PLXNA3: variants seen among roughly 807,000 people sequenced by gnomAD.
PLXNA3 encodes the protein plexin A3.
Under a neutral mutation model 118.8 loss-of-function variants are expected in PLXNA3, and 52 were observed. The observed-to-expected ratio is 0.44, with a 90% CI of 0.35 to 0.55. The LOEUF (loss-of-function observed/expected upper bound fraction) is 0.55, where lower values mean the gene tolerates loss of function less well. Among genes scored for constraint, PLXNA3 ranks in the 20% least tolerant of loss-of-function variants. The pLI, the probability that PLXNA3 is intolerant of heterozygous loss-of-function variation, is 0.01. For missense variants in PLXNA3, 1,660 were observed against 1,730.8 expected, an observed-to-expected ratio of 0.96 and a Z score of 0.73; for synonymous variants, 925 against 762.4, an observed-to-expected ratio of 1.21 and a Z score of -3.51.
chrX:154,460,357 C>T lies in PLXNA3; in HGVS notation c.174C>T (p.Pro58=), dbSNP rs2068923708. Residue 58 remains proline (P), a synonymous_variant, in exon 2 of 33, where the codon CCC becomes CCT. Transcript: ENST00000369682. The stretch of plus-strand genomic sequence containing the variant: ...TGAACCGAGTCTTTAAGCTGGCCCC[C>T]AACCTGACTGAGCTGCGGGCCCATG... ...GAVNRVFKLA[P]NLTELRAHVT... 2 of 1,209,446 alleles carry T rather than the reference C, an allele frequency of 1.7e-6. No individual in the cohort carries two copies. The highest frequency in any genetic ancestry group is 2.2e-5 in the Admixed American group (1 of 45,901).
rs369981088 is a variant in PLXNA3, at chrX:154,463,985, G to T, written c.1582G>T (p.Ala528Ser). Residue 528 changes from alanine to serine, a missense_variant, in exon 7 of 33, where the codon GCC becomes TCC. Ala to Ser is a moderately conservative substitution (Grantham distance 99). Around this residue, in one of 2 missense-constraint regions of PLXNA3, gnomAD observed 791 missense variants for 652.1 expected, o/e 1.21. Coordinates refer to ENST00000369682, the MANE Select transcript of PLXNA3 (RefSeq NM_017514.5). ...CGAAGGGGCCTGTCTGGGCGCCTCT[G>T]CCCCACACGGCTTTGCTGAGGAGCT... ...CREGACLGAS[A>S]PHGFAEELSK... 1 of 1,197,831 alleles carries T rather than the reference G, an allele frequency of 8.3e-7. No homozygotes were observed. Among genetic ancestry groups the T allele is most frequent in the Admixed American group, 2.3e-5 (1 of 44,394 alleles).
Position 154,469,768 on chromosome X carries a change from C to T in PLXNA3, c.4779C>T (p.Arg1593=), listed in dbSNP as rs1418916111. ...TGGCCAACTCCTTCACCTTCACCCG[C>T]TCCCTCAGCCGCTACGGTAGGTGTC... is the stretch of plus-strand genomic sequence containing the variant. The part of the protein sequence containing the change: ...YNMANSFTFT[R]SLSRYESLLR... Residue 1593 remains arginine (R), a synonymous_variant, in exon 28 of 33, where the codon CGC becomes CGT. Coordinates refer to ENST00000369682, the MANE Select transcript of PLXNA3 (RefSeq NM_017514.5). 2 of 1,207,357 alleles carry T rather than the reference C, an allele frequency of 1.7e-6. No individual in the cohort carries two copies. The highest frequency in any genetic ancestry group is 3.5e-5 in the African/African-American group (2 of 57,488).
chrX:154,460,916 C>G, intron 2 of PLXNA3, 139 bp downstream of exon 2: 1 of 623,959 alleles, frequency 1.6e-6, no homozygotes, highest in Non-Finnish European at 2.4e-6. Context: ...GGATGACAGC[C>G]TGAACCCAGG....
rs1160031731 is a variant in PLXNA3, at chrX:154,474,154, A to G, written c.*1469A>G. 9.0e-6 allele frequency: 1 copy of G among 110,824 alleles called. No individual in the cohort carries two copies. Among genetic ancestry groups the G allele is most frequent in the Admixed American group, 9.7e-5 (1 of 10,337 alleles). 9.1% of individuals were successfully genotyped at this position (110,824 alleles called of 1,213,427 possible). On this transcript the variant is annotated 3_prime_UTR_variant, in exon 33 of 33. Transcript: ENST00000369682. ...GGAGAAGGTGACATGCAATTTATTTATTTATTTATTTTGAGACAGAGTGTA... is the reference window on the plus strand; with the variant it reads ...GGAGAAGGTGACATGCAATTTATTTGTTTATTTATTTTGAGACAGAGTGTA...
Position 154,472,978 on chromosome X carries a change from A to T in PLXNA3, c.*293A>T. On this transcript the variant is annotated 3_prime_UTR_variant, in exon 33 of 33. Coordinates refer to ENST00000369682, the MANE Select transcript of PLXNA3 (RefSeq NM_017514.5). Reference sequence around the variant, plus strand: ...CAGTCCCACCCTCCCTGCTATTTATATCCCTCTGCCTATTTATTGAATCGA... The same window carrying T: ...CAGTCCCACCCTCCCTGCTATTTATTTCCCTCTGCCTATTTATTGAATCGA... The T allele has an allele frequency of 3.9e-6, 1 of 255,773 alleles. No individual in the cohort carries two copies. The allele number at this position is 255,773 out of a possible 1,213,427, so 21.1% of individuals were successfully genotyped here. A position where few individuals can be genotyped will look rare whatever the true frequency, so the allele number is the denominator to read the frequency against.
Position 154,468,231 on chromosome X carries a change from C to G in PLXNA3, c.3963+7C>G. 8.5e-7 allele frequency: 1 copy of G among 1,178,855 alleles called. No homozygotes were observed. The highest frequency in any genetic ancestry group is 1.1e-6 in the Non-Finnish European group (1 of 877,148). ...GGTGCTCAAGGAGCTGGATGTGAGC[C>G]TCTGCCTGGCCTGCCCCCCACCATT... On this transcript the variant is annotated splice_region_variant and intron_variant, in intron 22 of 32. Transcript: ENST00000369682.
At position 154,462,296 on chromosome X, in the gene PLXNA3, G is replaced by A. The variant is rs149807623; in HGVS notation, c.1303G>A (p.Gly435Ser). Residue 435 changes from glycine to serine, a missense_variant, in exon 4 of 33, where the codon GGC (glycine) becomes AGC (serine). By Grantham distance (56) the Gly-to-Ser change is moderately conservative. Coordinates refer to ENST00000369682, the MANE Select transcript of PLXNA3 (RefSeq NM_017514.5). ...HSVVFIGTRS[G>S]SLKKVRVDGF... Reference sequence around the variant, plus strand: ...TGTGGTCTTCATTGGCACGCGCAGCGGCAGCTTGAAGAAGGTGGCCCCCAG... The same window carrying A: ...TGTGGTCTTCATTGGCACGCGCAGCAGCAGCTTGAAGAAGGTGGCCCCCAG... The A allele has an allele frequency of 4.2e-5, 49 of 1,155,307 alleles. No homozygotes were observed. The highest frequency in any genetic ancestry group is 8.0e-5 in the South Asian group (4 of 49,889).
Position 154,475,961 on chromosome X carries a change from G to A in PLXNA3, c.*3276G>A, listed in dbSNP as rs183750956. 1 of 111,164 alleles carries A rather than the reference G, an allele frequency of 9.0e-6. No homozygotes were observed. The highest frequency in any genetic ancestry group is 3.3e-5 in the African/African-American group (1 of 30,561). The allele number at this position is 111,164 out of a possible 1,213,427, so 9.2% of individuals were successfully genotyped here. A position where few individuals can be genotyped will look rare whatever the true frequency, so the allele number is the denominator to read the frequency against. ...AGGCGGGAAGATCACTGGAGCCCAG[G>A]AGTTCAGGACCAGCCTGGGCAACAA... On this transcript the variant is annotated 3_prime_UTR_variant, in exon 33 of 33. Coordinates refer to ENST00000369682, the MANE Select transcript of PLXNA3 (RefSeq NM_017514.5).
intron 5 of PLXNA3, 25 bp downstream of exon 5, chrX:154,463,544 G>C: frequency 8.5e-7 from 1 of 1,176,380 alleles, no homozygotes; most frequent in South Asian, 1.9e-5. Flanking sequence ...GGTGGCGGTG[G>C]GTGGTGGGGC....
At chrX:154,459,527 G>A (rs782739909) in intron 1 of PLXNA3, among the ~76,000 whole-genome samples, 2 of 112,769 alleles carry the variant, frequency 1.8e-5, no homozygotes, top group African/African-American at 6.4e-5. Context: ...TGACTGATGT[G>A]TGTCTGGGTG....
Position 154,463,461 on chromosome X carries a change from T to G in PLXNA3, c.1388T>G (p.Leu463Arg), listed in dbSNP as rs781783080. The change falls in exon 5 of 33, where the codon CTC becomes CGC. Residue 463 changes from leucine (L) to arginine (R), a missense_variant. Leu to Arg is a moderately radical substitution (Grantham distance 102). Around this residue, in one of 2 missense-constraint regions of PLXNA3, gnomAD observed 791 missense variants for 652.1 expected, o/e 1.21. Coordinates refer to ENST00000369682, the MANE Select transcript of PLXNA3 (RefSeq NM_017514.5). Reference protein sequence around the residue: ...TVPVVDGSPILRDLLFSPDHR... With the variant: ...TVPVVDGSPIRRDLLFSPDHR... Reference sequence around the variant, plus strand: ...CCCGTGGTGGATGGCAGCCCCATCCTCCGAGACCTGCTCTTCAGCCCGGAC... The same window carrying G: ...CCCGTGGTGGATGGCAGCCCCATCCGCCGAGACCTGCTCTTCAGCCCGGAC... The G allele has an allele frequency of 8.3e-7, 1 of 1,206,925 alleles. No homozygotes were observed.
In PLXNA3 at chrX:154,468,368, G is replaced by A; in HGVS notation, c.4029G>A (p.Val1343=). ...AGCTGCTGCACAGCCGCGCGTTCGT[G>A]CTTACCTTCATCCACACGCTGGAGG... The part of the protein sequence containing the change: ...FGQLLHSRAF[V]LTFIHTLEAQ... The change falls in exon 23 of 33, where the codon GTG becomes GTA. Residue 1343 remains valine, a synonymous_variant. Coordinates refer to ENST00000369682, the MANE Select transcript of PLXNA3 (RefSeq NM_017514.5). The A allele has an allele frequency of 2.5e-6, 3 of 1,210,753 alleles. No individual in the cohort carries two copies. The highest frequency in any genetic ancestry group is 1.8e-5 in the South Asian group (1 of 57,014).
chrX:154,469,811 G>C (rs2069155284), intron 28 of PLXNA3, 27 bp downstream of exon 28: 1 of 1,169,311 alleles, frequency 8.6e-7, no homozygotes, highest in African/African-American at 1.8e-5. Context: ...TGGTGGCCAT[G>C]TGCCCTTCGA....
chrX:154,461,126 C>A lies in PLXNA3; in HGVS notation c.622C>A (p.Gln208Lys), dbSNP rs1557204011. Residue 208 changes from glutamine to lysine, a missense_variant, in exon 3 of 33, where the codon CAG becomes AAG. Physicochemically the swap from Gln to Lys is moderately conservative, Grantham distance 53. Around this residue, in one of 2 missense-constraint regions of PLXNA3, gnomAD observed 791 missense variants for 652.1 expected, o/e 1.21. Coordinates refer to ENST00000369682, the MANE Select transcript of PLXNA3 (RefSeq NM_017514.5). ...LVYQDEFVSS[Q>K]IKIPSDTLSL... ...GTACCAGGATGAGTTTGTGTCCTCC[C>A]AGATCAAGATCCCCTCAGACACGCT... 3 of 1,204,706 alleles carry A rather than the reference C, an allele frequency of 2.5e-6. No individual in the cohort carries two copies. The highest frequency in any genetic ancestry group is 3.4e-6 in the Non-Finnish European group (3 of 890,004).
At chrX:154,459,364 C>T (rs1343137203) in intron 1 of PLXNA3, among the ~76,000 whole-genome samples, 1 of 111,666 alleles carries the variant, frequency 9.0e-6, no homozygotes, top group African/African-American at 3.3e-5. Context: ...TGCCCTGTCT[C>T]TCCAAGGCCT....
chrX:154,470,180 C>G lies in PLXNA3; in HGVS notation c.4986+13C>G, dbSNP rs1398225265. The G allele has an allele frequency of 8.3e-7, 1 of 1,199,437 alleles. No individual in the cohort carries two copies. The highest frequency in any genetic ancestry group is 1.1e-6 in the Non-Finnish European group (1 of 887,563). ...GCTGGCCACCAAGGTATGGGCCTGCCTCTCGCCACCTTGGCCTCCGCCCAG... is the reference window on the plus strand; with the variant it reads ...GCTGGCCACCAAGGTATGGGCCTGCGTCTCGCCACCTTGGCCTCCGCCCAG... On this transcript the variant is annotated intron_variant, in intron 29 of 32. Transcript: ENST00000369682.
chrX:154,467,774 T>A lies in PLXNA3; in HGVS notation c.3593T>A (p.Val1198Glu). The A allele has an allele frequency of 8.3e-7, 1 of 1,200,373 alleles. No homozygotes were observed. Among genetic ancestry groups the A allele is most frequent in the Non-Finnish European group, 1.1e-6 (1 of 892,483 alleles). ...TCAGGCCTGTCCCCACAGGTGCTGG[T>A]GGGTGGCCTGGAGTTCTGGCTGGGC... ...QTGRQPVMVL[V>E]GGLEFWLGTL... is the part of the protein sequence containing the mutation. The change falls in exon 21 of 33, where the codon GTG (valine) becomes GAG (glutamate). Residue 1198 changes from valine (V) to glutamate (E), a missense_variant. This residue lies in a region of PLXNA3 where 869 missense variants were observed against 1,078.7 expected (regional missense o/e 0.81). Transcript: ENST00000369682.
rs1272738875 is a variant in PLXNA3 at position 154,477,543 on chromosome X, A to C, written c.*4858A>C. 7.3e-6 allele frequency: 1 copy of C among 137,866 alleles called. No homozygotes were observed. Among genetic ancestry groups the C allele is most frequent in the African/African-American group, 3.2e-5 (1 of 31,691 alleles). 11.4% of individuals were successfully genotyped at this position (137,866 alleles called of 1,213,427 possible). ...ATTATGTGGTGTATATTACAGTTAC[A>C]CATTTACTATGTAAGTGCAACTGTA... is the stretch of plus-strand genomic sequence containing the variant. On this transcript the variant is annotated 3_prime_UTR_variant, in exon 33 of 33. Coordinates refer to ENST00000369682, the MANE Select transcript of PLXNA3 (RefSeq NM_017514.5).
rs782116569 is a variant in PLXNA3 at position 154,468,100 on chromosome X, C to T, written c.3839C>T (p.Thr1280Met). The T allele has an allele frequency of 1.7e-6, 2 of 1,190,113 alleles. No homozygotes were observed. Among genetic ancestry groups the T allele is most frequent in the Non-Finnish European group, 2.3e-6 (2 of 883,183 alleles). The change falls in exon 22 of 33, where the codon ACG becomes ATG. Residue 1280 changes from threonine (T) to methionine (M), a missense_variant. Physicochemically the swap from Thr to Met is moderately conservative, Grantham distance 81. Coordinates refer to ENST00000369682, the MANE Select transcript of PLXNA3 (RefSeq NM_017514.5). ...CCCCCAGCTTTTGCAGAGCTGCAGA[C>T]GGACATCAATGAGCTGACTAACCAC... Reference protein sequence around the residue: ...ECKEAFAELQTDINELTNHMD... With the variant: ...ECKEAFAELQMDINELTNHMD...
Sources: allele counts gnomAD v4.1 joint callset (sites outside exome capture counted in the v4.1 genomes callset), GRCh38; gene constraint gnomAD v4.1.1; regional missense constraint gnomAD v4.1.1; transcripts MANE v1.5; gene names NCBI Gene and HGNC (gene_info 2026-07-23, HGNC 2026-07-21).